EDEM2: variants seen among roughly 807,000 people sequenced by gnomAD.
EDEM2 encodes the protein ER degradation enhancing alpha-mannosidase like protein 2.
EDEM2 carries 39 observed loss-of-function variants against 64.8 expected under a neutral mutation model. The ratio of observed to expected loss-of-function variants is 0.60; its 90% CI spans 0.47 to 0.79. The LOEUF is 0.79. EDEM2 is among the 30% of genes least tolerant of loss of function. The pLI is 0.00. For synonymous variants in EDEM2, 296 were observed against 291.5 expected (o/e 1.02, Z -0.16); for missense variants, 609 against 731.3 (o/e 0.83, Z 1.93).
chr20:35,140,649 A>T (rs2146112494), intron 4 of EDEM2, among the ~76,000 whole-genome samples: 1 of 152,308 alleles, frequency 6.6e-6, no homozygotes, highest in East Asian at 1.9e-4. Flanking sequence ...TCAGGAGGAG[A>T]ACAAAGATTT....
At chr20:35,132,376 G>C (rs2085516663) in intron 6 of EDEM2, among the ~76,000 whole-genome samples, 1 of 151,918 alleles carries the variant, frequency 6.6e-6, no homozygotes, top group Non-Finnish European at 1.5e-5. Flanking sequence ...ATGCCGGCCA[G>C]GCGCGGTGGC....
chr20:35,135,642 C>A (rs1265749954), intron 5 of EDEM2, among the ~76,000 whole-genome samples: 2 of 150,646 alleles, frequency 1.3e-5, no homozygotes, highest in Non-Finnish European at 2.9e-5. Flanking sequence ...CAGAGCGAGA[C>A]CCTGTCTCAA....
chr20:35,120,593 C>CTTTTTTT (rs5841194), intron 9 of EDEM2, among the ~76,000 whole-genome samples: 2 of 95,104 alleles, frequency 2.1e-5, no homozygotes, highest in African/African-American at 4.0e-5. Context: ...TCGGCTTCTT[C>CTTTTTTT]TTTTTTTTTT....
At chr20:35,134,685 GC>G in intron 6 of EDEM2, 52 bp downstream of exon 6, 1 of 1,596,410 alleles carries the variant, frequency 6.3e-7, no homozygotes, top group Non-Finnish European at 8.6e-7. Flanking sequence ...ATTGCTCAGA[GC>G]CCTGGGCCTC....
chr20:35,143,456 A>G (rs975891204), intron 3 of EDEM2, among the ~76,000 whole-genome samples: 1 of 152,226 alleles, frequency 6.6e-6, no homozygotes, highest in Admixed American at 6.5e-5. Context: ...CTAGAATGCA[A>G]AGCTACAAAG....
At chr20:35,141,119 C>CAAAAAAAAA (rs58702725) in intron 4 of EDEM2, among the ~76,000 whole-genome samples, 7 of 29,380 alleles carry the variant, frequency 2.4e-4, no homozygotes, top group African/African-American at 6.3e-4. Flanking sequence ...GACTCCGCCT[C>CAAAAAAAAA]AAAAAAAAAA....
At chr20:35,117,061 G>A (rs1479923261) in intron 10 of EDEM2, 4 of 152,230 alleles carry the variant, frequency 2.6e-5, no homozygotes, top group Admixed American at 1.3e-4. Flanking sequence ...AAAGTGCCGG[G>A]ATTACAAGCC....
At chr20:35,142,528 C>T in intron 3 of EDEM2, 50 bp from the exon 4 acceptor site, 2 of 1,407,936 alleles carry the variant, frequency 1.4e-6, no homozygotes, top group Non-Finnish European at 2.0e-6. Flanking sequence ...TGCATGGAGG[C>T]AGATTCAGAG....
intron 5 of EDEM2, among the ~76,000 whole-genome samples, chr20:35,136,964 C>T (rs1569181083): frequency 2.6e-5 from 4 of 152,038 alleles, no homozygotes; most frequent in Admixed American, 1.3e-4. Flanking sequence ...GACCTGCAGC[C>T]CTGGACACAG....
At chr20:35,129,119 A>C (rs2085474625) in intron 7 of EDEM2, among the ~76,000 whole-genome samples, 1 of 151,866 alleles carries the variant, frequency 6.6e-6, no homozygotes, top group South Asian at 2.1e-4. Context: ...AAAAATACAA[A>C]AATTAGGCCA....
chr20:35,120,807 AG>A (rs1469056428), intron 9 of EDEM2, among the ~76,000 whole-genome samples: 2 of 152,146 alleles, frequency 1.3e-5, no homozygotes, highest in African/African-American at 4.8e-5. Flanking sequence ...CATATTGGTC[AG>A]GCTGGTCTCG....
intron 5 of EDEM2, among the ~76,000 whole-genome samples, chr20:35,135,332 G>A (rs1234734608): frequency 6.6e-6 from 1 of 152,210 alleles, no homozygotes; most frequent in Non-Finnish European, 1.5e-5. Flanking sequence ...GGTGGGGCTT[G>A]TGGCACAATG....
At chr20:35,131,898 T>C (rs1188555242) in intron 6 of EDEM2, 115 bp from the exon 7 acceptor site, 2 of 1,276,750 alleles carry the variant, frequency 1.6e-6, no homozygotes, top group Admixed American at 2.4e-5. Flanking sequence ...CCAGTGCTTC[T>C]TGGGAAACAT....
intron 3 of EDEM2, among the ~76,000 whole-genome samples, chr20:35,143,802 G>A (rs1230461443): frequency 6.6e-6 from 1 of 151,914 alleles, no homozygotes; most frequent in Non-Finnish European, 1.5e-5. Context: ...TCACAGCCTC[G>A]AACTCTGGGA....
chr20:35,134,657 T>C (rs1208153393), intron 6 of EDEM2, 81 bp downstream of exon 6: 1 of 1,528,430 alleles, frequency 6.5e-7, no homozygotes, highest in African/African-American at 1.4e-5. Context: ...TAAGTTTTCC[T>C]TGGCTTGACT....
chr20:35,147,328 T>A lies in EDEM2; in HGVS notation c.-70A>T. On this transcript the variant is annotated 5_prime_UTR_variant, in exon 1 of 11. Transcript: ENST00000374492. The stretch of plus-strand genomic sequence containing the variant: ...GCAACCAGTTCATCCTGGGAGCTGC[T>A]GCGGGTTCTTCCGGGAATCCGCGCC... 5.8e-6 allele frequency: 8 copies of A among 1,386,568 alleles called. No individual in the cohort carries two copies. The highest frequency in any genetic ancestry group is 7.5e-6 in the Non-Finnish European group (8 of 1,063,586). The allele number at this position is 1,386,568 out of a possible 1,614,324, so 85.9% of individuals were successfully genotyped here.
chr20:35,146,977 A>G (rs747810190), intron 1 of EDEM2, 42 bp from the exon 2 acceptor site: 3 of 1,595,274 alleles, frequency 1.9e-6, no homozygotes, highest in Non-Finnish European at 1.7e-6. Context: ...CAAGAACACA[A>G]AAACAAGCGG....
Position 35,115,395 on chromosome 20 carries a change from A to C in EDEM2, c.*38T>G. ...AGCCAAAAGCAATTTATTATAGTTT[A>C]GCCTCAAAAAAATAAAAATAAAAAA... On this transcript the variant is annotated 3_prime_UTR_variant, in exon 11 of 11. Transcript: ENST00000374492. The C allele has an allele frequency of 6.3e-7, 1 of 1,579,812 alleles. No homozygotes were observed. The highest frequency in any genetic ancestry group is 8.6e-7 in the Non-Finnish European group (1 of 1,165,724).
At chr20:35,132,942 A>G (rs1255987233) in intron 6 of EDEM2, among the ~76,000 whole-genome samples, 1 of 152,176 alleles carries the variant, frequency 6.6e-6, no homozygotes, top group Non-Finnish European at 1.5e-5. Flanking sequence ...GTGTCCCCCC[A>G]GGAGCACAAC....
Sources: allele counts gnomAD v4.1 joint callset (sites outside exome capture counted in the v4.1 genomes callset), GRCh38; gene constraint gnomAD v4.1.1; transcripts MANE v1.5; gene names NCBI Gene and HGNC (gene_info 2026-07-23, HGNC 2026-07-21).